GRIP1: variants seen among roughly 807,000 people sequenced by gnomAD.
GRIP1 encodes glutamate receptor interacting protein 1.
A neutral mutation model predicts 129.9 loss-of-function variants in GRIP1; 45 were observed. The ratio of observed to expected loss-of-function variants is 0.35; its 90% CI spans 0.27 to 0.44. GRIP1 has a LOEUF of 0.44. Among genes scored for constraint, GRIP1 ranks in the 20% least tolerant of loss-of-function variants. The pLI, the probability that GRIP1 is intolerant of heterozygous loss-of-function variation, is 1.00. For synonymous variants in GRIP1, 530 were observed against 520.8 expected (o/e 1.02, Z -0.24); for missense variants, 1,196 against 1,396.8 (o/e 0.86, Z 2.29).
chr12:66,580,009 A>C (rs1370235379), intron 2 of GRIP1, among the ~76,000 whole-genome samples: 1 of 148,776 alleles, frequency 6.7e-6, no homozygotes, highest in Non-Finnish European at 1.5e-5. Context: ...GCCAGAGAGA[A>C]AGGTCGGGTT....
At chr12:66,443,516 G>A (rs1477387662) in intron 13 of GRIP1, among the ~76,000 whole-genome samples, 2 of 150,754 alleles carry the variant, frequency 1.3e-5, no homozygotes, top group African/African-American at 4.9e-5. Context: ...GTGCAGTGGT[G>A]TGATCTCAGC....
At chr12:66,351,217 G>A (rs1024477996) in intron 24 of GRIP1, among the ~76,000 whole-genome samples, 2 of 152,180 alleles carry the variant, frequency 1.3e-5, no homozygotes, top group African/African-American at 4.8e-5. Flanking sequence ...CAACCAATGA[G>A]TGGCAGCCTC....
chr12:66,901,642 T>C lies in GRIP1; in HGVS notation c.58+167408A>G, dbSNP rs1592940247. ...AAGCTGGGATGTACAGTAGCCTTAA[T>C]AAACTTGGATTGACCTTTACAATCA... On this transcript the variant is annotated intron_variant, in intron 1 of 1. Coordinates refer to the GRIP1 transcript ENST00000643019. 3.3e-5 allele frequency among the ~76,000 whole-genome samples: 5 copies of C among 152,312 alleles called. 1 individual carries two copies. Among genetic ancestry groups the C allele is most frequent in the Admixed American group, 3.3e-4 (5 of 15,290 alleles).
At chr12:66,754,872 A>G (rs2037237710) in intron 1 of GRIP1, among the ~76,000 whole-genome samples, 1 of 152,028 alleles carries the variant, frequency 6.6e-6, no homozygotes, top group African/African-American at 2.4e-5. Context: ...TCATTCTGAT[A>G]CCCTTTCATC....
At position 66,859,263 on chromosome 12, in the gene GRIP1, AAAAACAAAAAAACAAAAAAACAAAAAAAC is replaced by A. The variant is rs1432423348; in HGVS notation, c.58+209758_58+209786del. Among the ~76,000 whole-genome samples the A allele has an allele frequency of 9.9e-4, 17 of 17,126 alleles. 2 individuals are homozygous for A. The East Asian group carries it at 0.15, about 151-fold the overall frequency. 11.2% of individuals were successfully genotyped at this position (17,126 alleles called of 152,430 possible). ...AGCATATTCTCCACATTTTCTGAAA[AAAAACAAAAAAACAAAAAAACAAAAAAAC>A]AAAAAAACAAAAAAAAACCAGTATT... is the stretch of plus-strand genomic sequence containing the variant. On this transcript the variant is annotated intron_variant, in intron 1 of 1. Coordinates refer to the GRIP1 transcript ENST00000643019.
intron 7 of GRIP1, 120 bp downstream of exon 7, chr12:66,515,499 T>C (rs1215185673): frequency 2.1e-5 from 19 of 913,188 alleles, no homozygotes; most frequent in Non-Finnish European, 3.3e-5. Context: ...GATATAGTAT[T>C]TATGAATTCT....
chr12:66,969,328 CTGATCT>C (rs2042039869), intron 1 of GRIP1, among the ~76,000 whole-genome samples: 1 of 152,176 alleles, frequency 6.6e-6, no homozygotes, highest in Non-Finnish European at 1.5e-5. Flanking sequence ...ATTTCTCCTT[CTGATCT>C]TCCAATTACC....
At chr12:66,638,585 C>T (rs1285460261) in intron 1 of GRIP1, among the ~76,000 whole-genome samples, 1 of 152,156 alleles carries the variant, frequency 6.6e-6, no homozygotes, top group African/African-American at 2.4e-5. Flanking sequence ...TTGATTCTTT[C>T]CCTAGTTTAA....
intron 1 of GRIP1, among the ~76,000 whole-genome samples, chr12:67,028,302 C>T (rs1320432743): frequency 1.3e-5 from 2 of 152,148 alleles, no homozygotes; most frequent in Non-Finnish European, 2.9e-5. Context: ...ACATCAACTA[C>T]CAAACCCAGA....
intron 15 of GRIP1, among the ~76,000 whole-genome samples, chr12:66,409,189 C>T (rs1169394235): frequency 6.6e-6 from 1 of 152,098 alleles, no homozygotes; most frequent in African/African-American, 2.4e-5. Flanking sequence ...CTAGTGGTAG[C>T]CAGTAAGGGT....
intron 1 of GRIP1, among the ~76,000 whole-genome samples, chr12:66,758,666 T>C (rs1052551179): frequency 6.6e-6 from 1 of 152,116 alleles, no homozygotes; most frequent in Non-Finnish European, 1.5e-5. Flanking sequence ...ATTTCCAAGA[T>C]ACAATGGAGG....
At chr12:66,686,207 TC>T (rs1441915343) in intron 1 of GRIP1, among the ~76,000 whole-genome samples, 1 of 152,182 alleles carries the variant, frequency 6.6e-6, no homozygotes, top group Non-Finnish European at 1.5e-5. Flanking sequence ...TCAGATTCAT[TC>T]CTGGTGCTTC....
chr12:66,826,571 T>C (rs1307768214), intron 1 of GRIP1, among the ~76,000 whole-genome samples: 1 of 152,124 alleles, frequency 6.6e-6, no homozygotes, highest in South Asian at 2.1e-4. Flanking sequence ...TTTATGGTAA[T>C]TGAATCTAAG....
At position 66,392,716 on chromosome 12, in the gene GRIP1, C is replaced by T; in HGVS notation, c.2230G>A (p.Gly744Arg). The T allele has an allele frequency of 1.2e-6, 2 of 1,613,896 alleles. No individual in the cohort carries two copies. Among genetic ancestry groups the T allele is most frequent in the South Asian group, 2.2e-5 (2 of 91,072 alleles). ...TTAATTTTCAAGGTGACAGTCTCTCCTGCCATCTGTAACAAATGGATGGCT... is the reference window on the plus strand; with the variant it reads ...TTAATTTTCAAGGTGACAGTCTCTCTTGCCATCTGTAACAAATGGATGGCT... ...SEAIHLLQMAGETVTLKIKKQ... is the reference protein window; with the variant it reads ...SEAIHLLQMARETVTLKIKKQ... Residue 744 changes from glycine (G) to arginine (R), a missense_variant, in exon 18 of 25, where the codon GGA becomes AGA. Around this residue, in one of 5 missense-constraint regions of GRIP1, gnomAD observed 28 missense variants for 78.1 expected, o/e 0.36. Coordinates refer to ENST00000359742, the MANE Select transcript of GRIP1 (RefSeq NM_001366722.1).
intron 2 of GRIP1, among the ~76,000 whole-genome samples, chr12:66,579,010 C>T (rs180673832): frequency 6.6e-6 from 1 of 152,176 alleles, no homozygotes; most frequent in Non-Finnish European, 1.5e-5. Flanking sequence ...AGGCACCCCC[C>T]AGTAGGGGCA....
intron 7 of GRIP1, among the ~76,000 whole-genome samples, chr12:66,497,296 T>G (rs1331907692): frequency 6.6e-6 from 1 of 152,214 alleles, no homozygotes; most frequent in Non-Finnish European, 1.5e-5. Context: ...CAGGGAGACC[T>G]AATCTAGATA....
chr12:66,505,083 T>A (rs1057350161), intron 7 of GRIP1, among the ~76,000 whole-genome samples: 19 of 152,320 alleles, frequency 1.2e-4, no homozygotes, highest in Admixed American at 1.2e-3. Context: ...ATACAATATA[T>A]AACTCCAATG....
chr12:66,481,846 G>A (rs960367814), intron 7 of GRIP1, among the ~76,000 whole-genome samples: 5 of 151,196 alleles, frequency 3.3e-5, no homozygotes, highest in African/African-American at 1.2e-4. Context: ...ACTAACACAG[G>A]AACAGGAAAC....
chr12:66,473,421 C>G (rs945139254), intron 7 of GRIP1, among the ~76,000 whole-genome samples: 3 of 152,212 alleles, frequency 2.0e-5, no homozygotes, highest in Non-Finnish European at 2.9e-5. Context: ...TTAAATGTTC[C>G]TGCCTGCTGG....
Sources: allele counts gnomAD v4.1 joint callset (sites outside exome capture counted in the v4.1 genomes callset), GRCh38; gene constraint gnomAD v4.1.1; regional missense constraint gnomAD v4.1.1; transcripts MANE v1.5; gene names NCBI Gene and HGNC (gene_info 2026-07-23, HGNC 2026-07-21).